CIRSR: variants seen among roughly 807,000 people sequenced by gnomAD.
CIRSR encodes CBF1 (RBPJ) interacting corepressor 1.
chr2:174,391,440 A>G, the CIRSR span, among the ~76,000 whole-genome samples: 2 of 152,198 alleles, frequency 1.3e-5, no homozygotes, highest in African/African-American at 4.8e-5. Context: ...AAATACAAAA[A>G]TTAGCCAGGC....
chr2:174,378,803 C>T, the CIRSR span: 2 of 772,926 alleles, frequency 2.6e-6, no homozygotes, highest in Admixed American at 3.9e-5. Context: ...TAGTCAAAAA[C>T]AAACAAACAA....
chr2:174,368,017 G>A, the CIRSR span, among the ~76,000 whole-genome samples: 2 of 152,232 alleles, frequency 1.3e-5, 1 homozygote, highest in East Asian at 3.9e-4. Context: ...CAATTACCCA[G>A]GAAGACACAA....
At chr2:174,371,835 A>G in the CIRSR span, among the ~76,000 whole-genome samples, 1 of 152,230 alleles carries the variant, frequency 6.6e-6, no homozygotes, top group Non-Finnish European at 1.5e-5. Flanking sequence ...TTACAGGCAC[A>G]AGGCTGTACC....
At chr2:174,378,834 TAAAAC>T in the CIRSR span, 10 of 1,001,904 alleles carry the variant, frequency 1.0e-5, no homozygotes, top group Non-Finnish European at 1.6e-5. Flanking sequence ...CAAACCCAAA[TAAAAC>T]AATACCCAGA....
At chr2:174,395,652 C>T in the CIRSR span, 3 of 1,614,032 alleles carry the variant, frequency 1.9e-6, no homozygotes, top group African/African-American at 2.7e-5. Flanking sequence ...AAAGCAGGGG[C>T]TAGATCTGTT....
chr2:174,370,301 C>T, the CIRSR span, among the ~76,000 whole-genome samples: 1 of 152,210 alleles, frequency 6.6e-6, no homozygotes, highest in African/African-American at 2.4e-5. Context: ...CCTCCCCTCT[C>T]AGCCTCCCAA....
chr2:174,378,220 T>C, the CIRSR span, among the ~76,000 whole-genome samples: 4 of 152,192 alleles, frequency 2.6e-5, no homozygotes, highest in Non-Finnish European at 4.4e-5. Flanking sequence ...AGTTATACTA[T>C]CACCCTTATT....
At chr2:174,354,560 T>TCA in the CIRSR span, among the ~76,000 whole-genome samples, 1 of 36,454 alleles carries the variant, frequency 2.7e-5, no homozygotes, top group Non-Finnish European at 5.8e-5. Context: ...ATTATATATA[T>TCA]TTTATATATT....
chr2:174,369,585 T>C, the CIRSR span, among the ~76,000 whole-genome samples: 4 of 152,212 alleles, frequency 2.6e-5, no homozygotes, highest in Admixed American at 6.5e-5. Flanking sequence ...CTTAATCATT[T>C]CTAGCTTTTG....
chr2:174,370,910 C>CAAAAAA, the CIRSR span, among the ~76,000 whole-genome samples: 13 of 128,560 alleles, frequency 1.0e-4, no homozygotes, highest in East Asian at 4.4e-4. Context: ...GACTCCGTCT[C>CAAAAAA]AAAAAAAAAA....
chr2:174,374,660 A>G, the CIRSR span, among the ~76,000 whole-genome samples: 3 of 152,196 alleles, frequency 2.0e-5, no homozygotes, highest in Non-Finnish European at 2.9e-5. Context: ...GGAGCTACAA[A>G]GATGCCTGGC....
the CIRSR span, chr2:174,348,408 A>G: frequency 2.6e-6 from 4 of 1,511,928 alleles, no homozygotes; most frequent in Admixed American, 4.6e-5. Context: ...TACATAATTT[A>G]CCCCTTGCTA....
chr2:174,378,424 A>G, the CIRSR span, among the ~76,000 whole-genome samples: 1 of 152,238 alleles, frequency 6.6e-6, no homozygotes, highest in Non-Finnish European at 1.5e-5. Flanking sequence ...AAAAGAACCA[A>G]AATAATCTAA....
At chr2:174,371,598 C>T in the CIRSR span, among the ~76,000 whole-genome samples, 21 of 152,254 alleles carry the variant, frequency 1.4e-4, no homozygotes, top group East Asian at 3.3e-3. Flanking sequence ...ATATTCTAAA[C>T]CATTTTAGCC....
At chr2:174,367,445 T>TG in the CIRSR span, among the ~76,000 whole-genome samples, 8 of 151,782 alleles carry the variant, frequency 5.3e-5, no homozygotes, top group South Asian at 2.1e-4. Flanking sequence ...CCGGGTGTGG[T>TG]GGGGGGCGCC....
the CIRSR span, among the ~76,000 whole-genome samples, chr2:174,352,537 C>T: frequency 9.9e-5 from 15 of 152,060 alleles, no homozygotes; most frequent in Non-Finnish European, 1.3e-4. Context: ...TCACTTGAGC[C>T]CAGGAGGCCA....
the CIRSR span, among the ~76,000 whole-genome samples, chr2:174,359,583 G>T: frequency 6.6e-6 from 1 of 152,144 alleles, no homozygotes; most frequent in Non-Finnish European, 1.5e-5. Flanking sequence ...AGGATGTGGA[G>T]AAATAGGAAC....
At chr2:174,348,384 TAGAA>T in the CIRSR span, 1 of 1,466,782 alleles carries the variant, frequency 6.8e-7, no homozygotes, top group Non-Finnish European at 9.0e-7. Context: ...GCTTTTTTAT[TAGAA>T]AGACAACAGT....
At chr2:174,388,758 G>C in the CIRSR span, among the ~76,000 whole-genome samples, 1 of 151,986 alleles carries the variant, frequency 6.6e-6, no homozygotes, top group Non-Finnish European at 1.5e-5. Flanking sequence ...GATATGGTTT[G>C]GCTGTGTCCC....
Sources: allele counts gnomAD v4.1 joint callset (sites outside exome capture counted in the v4.1 genomes callset), GRCh38; gene constraint gnomAD v4.1.1; transcripts MANE v1.5; gene names NCBI Gene and HGNC (gene_info 2026-07-23, HGNC 2026-07-21).